Variants in CPED1 observed in about 807,000 individuals in gnomAD.
The protein encoded by CPED1 is cadherin like and PC-esterase domain containing 1.
CPED1 carries 114 observed loss-of-function variants against 128.2 expected under a neutral mutation model. That is an observed-to-expected ratio of 0.89 (90% CI 0.76 to 1.04). The LOEUF (loss-of-function observed/expected upper bound fraction) is 1.04, where lower values mean the gene tolerates loss of function less well. CPED1 is among the 50% of genes least tolerant of loss of function. The probability of loss-of-function intolerance (pLI) is 0.00; values close to 1 mark genes in which losing one functional copy is unlikely to be tolerated. For synonymous variants in CPED1, 462 were observed against 426.7 expected (o/e 1.08, Z -1.02); for missense variants, 1,211 against 1,207.1 (o/e 1.00, Z -0.05).
intron 18 of CPED1, among the ~76,000 whole-genome samples, chr7:121,256,135 A>AAAAAAAAAAAAAAAAAAAAAAAAAAC (rs1562852781): frequency 6.7e-6 from 1 of 148,882 alleles, no homozygotes; most frequent in African/African-American, 2.5e-5. Flanking sequence ...AAAACAAAAA[A>AAAAAAAAAAAAAAAAAAAAAAAAAAC]AAAAAACAAA....
intron 3 of CPED1, among the ~76,000 whole-genome samples, chr7:121,025,017 T>C (rs765227506): frequency 5.3e-5 from 8 of 152,166 alleles, no homozygotes; most frequent in Admixed American, 3.9e-4. Context: ...CTAACTATAG[T>C]TCCCAGACTC....
intron 18 of CPED1, among the ~76,000 whole-genome samples, chr7:121,246,345 G>A (rs1260783632): frequency 1.3e-5 from 2 of 152,098 alleles, no homozygotes; most frequent in Non-Finnish European, 1.5e-5. Context: ...GTCTTAGCTC[G>A]AGCTGCTATA....
chr7:121,138,371 G>T (rs1403842287), intron 14 of CPED1, among the ~76,000 whole-genome samples: 1 of 152,076 alleles, frequency 6.6e-6, no homozygotes, highest in Non-Finnish European at 1.5e-5. Context: ...GACAAGTTGA[G>T]ACTGGGATGG....
intron 8 of CPED1, among the ~76,000 whole-genome samples, chr7:121,125,595 A>T (rs1481711466): frequency 6.6e-6 from 1 of 152,124 alleles, no homozygotes; most frequent in East Asian, 1.9e-4. Context: ...TTTGCTGAGA[A>T]TGATGGTTTC....
At chr7:121,162,802 A>G (rs1283639164) in intron 16 of CPED1, among the ~76,000 whole-genome samples, 2 of 152,214 alleles carry the variant, frequency 1.3e-5, no homozygotes, top group African/African-American at 2.4e-5. Context: ...ACATGTGGTC[A>G]TGCTGAACCA....
At chr7:121,087,638 A>C (rs1270889301) in intron 5 of CPED1, among the ~76,000 whole-genome samples, 2 of 146,938 alleles carry the variant, frequency 1.4e-5, no homozygotes, top group African/African-American at 5.2e-5. Context: ...GTTCAAGCTC[A>C]AGGATTCTTT....
intron 16 of CPED1, among the ~76,000 whole-genome samples, chr7:121,217,890 C>T (rs963065145): frequency 6.6e-6 from 1 of 151,828 alleles, no homozygotes; most frequent in African/African-American, 2.4e-5. Context: ...GAGGTGTGTA[C>T]CTGTGTGTGT....
chr7:121,170,046 A>G (rs936942176), intron 16 of CPED1, among the ~76,000 whole-genome samples: 11 of 152,144 alleles, frequency 7.2e-5, no homozygotes, highest in Non-Finnish European at 5.9e-5. Flanking sequence ...TTACATGCAT[A>G]TCTCCCCTAG....
chr7:121,060,047 G>A (rs1191408175), intron 4 of CPED1, among the ~76,000 whole-genome samples: 2 of 146,130 alleles, frequency 1.4e-5, no homozygotes, highest in Non-Finnish European at 2.9e-5. Flanking sequence ...CGTGGGCTTG[G>A]CGGGCCCTGC....
intron 2 of CPED1, among the ~76,000 whole-genome samples, chr7:120,994,660 T>TGTGTGTGTG (rs60506801): frequency 1.0e-4 from 13 of 127,406 alleles, no homozygotes; most frequent in Admixed American, 2.4e-4. Context: ...TGTGTGTGTG[T>TGTGTGTGTG]TGTTGTTGTT....
chr7:121,061,934 G>A (rs986798091), intron 4 of CPED1, among the ~76,000 whole-genome samples: 2 of 152,150 alleles, frequency 1.3e-5, no homozygotes, highest in African/African-American at 2.4e-5. Flanking sequence ...TTAGTTTGGT[G>A]TTCAGTTCCA....
chr7:121,060,803 G>C (rs1282932942), intron 4 of CPED1, among the ~76,000 whole-genome samples: 3 of 152,120 alleles, frequency 2.0e-5, no homozygotes, highest in South Asian at 2.1e-4. Flanking sequence ...CCCTTTTCAC[G>C]TTGTGGAAGC....
intron 16 of CPED1, among the ~76,000 whole-genome samples, chr7:121,213,924 C>T (rs527659792): frequency 3.2e-4 from 48 of 152,052 alleles, no homozygotes; most frequent in Non-Finnish European, 5.0e-4. Context: ...TTTCCATTAA[C>T]GTTATTTTTC....
chr7:121,141,982 C>T lies in CPED1; in HGVS notation c.1896C>T (p.Ser632=), dbSNP rs763828407. The change falls in exon 16 of 23, where the codon AGC becomes AGT. Residue 632 remains serine, a synonymous_variant. Coordinates refer to ENST00000310396, the MANE Select transcript of CPED1 (RefSeq NM_024913.5). ...CCCTCTTTCTCTCCAGCTTTGCCAG[C>T]TACCCTCTGGGCTTAGGAATGAACA... is the stretch of plus-strand genomic sequence containing the variant. ...LYEQAGPSFA[S]YPLGLGMNKI... is the part of the protein sequence containing the mutation. 1 of 1,611,926 alleles carries T rather than the reference C, an allele frequency of 6.2e-7. No homozygotes were observed. Among genetic ancestry groups the T allele is most frequent in the South Asian group, 1.1e-5 (1 of 90,960 alleles).
At chr7:121,270,816 T>C (rs1792215712) in intron 21 of CPED1, among the ~76,000 whole-genome samples, 1 of 152,076 alleles carries the variant, frequency 6.6e-6, no homozygotes, top group Non-Finnish European at 1.5e-5. Context: ...TGTGATGTGT[T>C]GGCTTTATTC....
chr7:121,185,348 A>C (rs1796979371), intron 16 of CPED1, among the ~76,000 whole-genome samples: 1 of 152,166 alleles, frequency 6.6e-6, no homozygotes, highest in Non-Finnish European at 1.5e-5. Context: ...ATATTTCATA[A>C]ATGACTATGA....
intron 22 of CPED1, among the ~76,000 whole-genome samples, chr7:121,280,486 G>A (rs1792440948): frequency 6.6e-6 from 1 of 152,200 alleles, no homozygotes; most frequent in South Asian, 2.1e-4. Flanking sequence ...AAGAAGGGCT[G>A]GGGATTAGAG....
chr7:121,180,797 G>A (rs747940232), intron 16 of CPED1, among the ~76,000 whole-genome samples: 8 of 151,902 alleles, frequency 5.3e-5, no homozygotes, highest in Admixed American at 2.0e-4. Context: ...TACTTCCAGC[G>A]TAGCCTGAGA....
At chr7:121,077,779 C>T (rs962967069) in intron 5 of CPED1, among the ~76,000 whole-genome samples, 1 of 151,430 alleles carries the variant, frequency 6.6e-6, no homozygotes, top group Non-Finnish European at 1.5e-5. Context: ...TACAAACATA[C>T]TAATTTTTTT....
Sources: gnomAD v4.1 joint callset for allele counts (sites outside exome capture counted in the v4.1 genomes callset) on GRCh38, gnomAD v4.1.1 for gene constraint, MANE v1.5 for transcripts, NCBI Gene and HGNC (gene_info 2026-07-23, HGNC 2026-07-21) for gene names.